Variants in NAA38 observed in about 807,000 individuals in gnomAD.
NAA38 encodes LSM domain containing 1.
NAA38 carries 15 observed loss-of-function variants against 12.6 expected under a neutral mutation model. That is an observed-to-expected ratio of 1.19 (90% CI 0.79 to 1.83). The LOEUF (loss-of-function observed/expected upper bound fraction) is 1.83, where lower values mean the gene tolerates loss of function less well. Among genes scored for constraint, NAA38 ranks in the 40% most tolerant of loss-of-function variants. NAA38 has a pLI of 0.00. For missense variants in NAA38, 183 were observed against 171.7 expected (o/e 1.07, Z -0.37); for synonymous variants, 88 against 69.9 (o/e 1.26, Z -1.29).
intron 2 of NAA38, among the ~76,000 whole-genome samples, chr17:7,868,478 AT>A (rs1286690621): frequency 6.6e-6 from 1 of 152,166 alleles, no homozygotes; most frequent in African/African-American, 2.4e-5. Context: ...CATGCACAGA[AT>A]ATTTAAATAC....
intron 1 of NAA38, chr17:7,885,049 ACCGCTGCCCCCG>A: frequency 2.0e-6 from 2 of 1,019,404 alleles, no homozygotes; most frequent in Non-Finnish European, 2.3e-6. Flanking sequence ...CGCCGCCGCC[ACCGCTGCCCCCG>A]CCGCCGCCGC....
At chr17:7,860,624 A>C (rs1031045334), upstream of NAA38, 6 of 152,202 alleles carry the variant, frequency 3.9e-5, no homozygotes, top group Non-Finnish European at 8.8e-5. Flanking sequence ...TAACATTTGT[A>C]GCCACTGCTC....
chr17:7,879,873 CAGA>C (rs1202693991), intron 2 of NAA38, among the ~76,000 whole-genome samples: 4 of 151,756 alleles, frequency 2.6e-5, no homozygotes, highest in Admixed American at 2.6e-4. Flanking sequence ...CCTGGAAACA[CAGA>C]AGGAGAGATG....
chr17:7,857,291 A>G (rs199876036), intron 1 of NAA38, 92 bp downstream of exon 1: 566 of 1,611,354 alleles, frequency 3.5e-4, no homozygotes, highest in South Asian at 5.5e-4. Flanking sequence ...CACTCACACA[A>G]AGCCCAGAGG....
rs34511657 is a variant in NAA38 at position 7,866,378 on chromosome 17, A to G, written c.3+113T>C. On this transcript the variant is annotated intron_variant, in intron 3 of 4. Transcript: ENST00000576861. ...CCGCCTCGGCCTCCCAGAGTGCTGG[A>G]ATTACAGGTGTGAGCCATTGCGCCC... is the stretch of plus-strand genomic sequence containing the variant. 6,289 of 786,306 alleles carry G rather than the reference A, an allele frequency of 8.0e-3. 283 individuals carry two copies. The African/African-American group carries it at 0.096, about 12-fold the overall frequency. The allele number at this position is 786,306 out of a possible 1,614,324, so 48.7% of individuals were successfully genotyped here.
intron 2 of NAA38, among the ~76,000 whole-genome samples, chr17:7,869,081 T>C (rs1967039001): frequency 6.6e-6 from 1 of 152,236 alleles, no homozygotes; most frequent in Non-Finnish European, 1.5e-5. Context: ...AGTGAACCTC[T>C]GAAGAGAGAA....
In NAA38 at chr17:7,875,876, T is replaced by C. The variant is rs191281748; in HGVS notation, c.-66+7359A>G. ...AGTTGCCTATTCTGGACATTTCATA[T>C]AAATGGCATCAAATAATATGTGGCC... On this transcript the variant is annotated intron_variant, in intron 2 of 4. Coordinates refer to the NAA38 transcript ENST00000576861. 3.2e-3 allele frequency among the ~76,000 whole-genome samples: 495 copies of C among 152,344 alleles called. 1 individual carries two copies. Among genetic ancestry groups the C allele is most frequent in the Non-Finnish European group, 5.4e-3 (364 of 68,036 alleles).
At chr17:7,857,718 A>G (rs928343503), upstream of NAA38, 243 of 1,296,038 alleles carry the variant, frequency 1.9e-4, no homozygotes, top group Non-Finnish European at 2.3e-4. Context: ...CACATCCTTT[A>G]GAAACTGGAA....
chr17:7,874,518 A>G (rs1268245986), intron 2 of NAA38, among the ~76,000 whole-genome samples: 3 of 152,190 alleles, frequency 2.0e-5, no homozygotes, highest in Admixed American at 6.5e-5. Flanking sequence ...TAAGGAGCAC[A>G]CAGCAAGACT....
chr17:7,872,238 G>A (rs1250647623), intron 2 of NAA38, among the ~76,000 whole-genome samples: 1 of 152,024 alleles, frequency 6.6e-6, no homozygotes, highest in Middle Eastern at 3.2e-3. Flanking sequence ...AAGCATCCAC[G>A]TTGATGCTTG....
chr17:7,860,933 G>C (rs947919804), upstream of NAA38: 16 of 152,174 alleles, frequency 1.1e-4, no homozygotes, highest in Non-Finnish European at 2.2e-4. Flanking sequence ...ACTTTGGCGA[G>C]GGAGAAAAAG....
Position 7,857,094 on chromosome 17 carries a change from T to G in NAA38, c.186A>C (p.Thr62=). The change falls in exon 2 of 3, where the codon ACA becomes ACC. Residue 62 remains threonine, a synonymous_variant. Transcript: ENST00000575771. ...CAGTGCAGAGGAAGCAGCCGACCAG[T>G]GTCCGTCCATCTGTCATGCGAATGC... ...TMRIRMTDGR[T]LVGCFLCTDR... 1 of 1,613,554 alleles carries G rather than the reference T, an allele frequency of 6.2e-7. No individual in the cohort carries two copies. The highest frequency in any genetic ancestry group is 8.5e-7 in the Non-Finnish European group (1 of 1,180,046).
At chr17:7,856,980 A>G in intron 2 of NAA38, 35 bp downstream of exon 2, 1 of 1,592,054 alleles carries the variant, frequency 6.3e-7, no homozygotes, top group South Asian at 1.1e-5. Context: ...GTTCCGCCAC[A>G]TTACCAGGCG....
chr17:7,884,535 A>G (rs1038493558), intron 1 of NAA38, among the ~76,000 whole-genome samples: 2 of 141,028 alleles, frequency 1.4e-5, no homozygotes, highest in Non-Finnish European at 3.1e-5. Flanking sequence ...GAAAGAGAGA[A>G]GGAAAAAAAG....
intron 2 of NAA38, among the ~76,000 whole-genome samples, chr17:7,871,423 T>G (rs1967083273): frequency 6.6e-6 from 1 of 152,266 alleles, no homozygotes; most frequent in Admixed American, 6.5e-5. Context: ...GTTCATCTTT[T>G]GTACATATAC....
At chr17:7,877,427 C>T (rs1043417766) in intron 2 of NAA38, among the ~76,000 whole-genome samples, 6 of 149,284 alleles carry the variant, frequency 4.0e-5, no homozygotes, top group South Asian at 2.1e-4. Flanking sequence ...TTAACCATGT[C>T]TCTACATACA....
upstream of NAA38, chr17:7,858,763 C>CT (rs777695141): frequency 6.3e-7 from 1 of 1,594,328 alleles, no homozygotes; most frequent in South Asian, 1.1e-5. Flanking sequence ...GGGCGGCTGT[C>CT]TGCCAAGACC....
intron 2 of NAA38, among the ~76,000 whole-genome samples, chr17:7,870,622 C>T (rs955503315): frequency 1.3e-5 from 2 of 152,116 alleles, no homozygotes; most frequent in Non-Finnish European, 2.9e-5. Flanking sequence ...TGGCTCACGC[C>T]TGTAATCCCA....
At chr17:7,881,236 G>A (rs1342818724) in intron 2 of NAA38, among the ~76,000 whole-genome samples, 2 of 150,230 alleles carry the variant, frequency 1.3e-5, no homozygotes, top group Non-Finnish European at 3.0e-5. Context: ...TTAAAATGTT[G>A]TACCATAAGT....
Sources: allele counts gnomAD v4.1 joint callset (sites outside exome capture counted in the v4.1 genomes callset), GRCh38; gene constraint gnomAD v4.1.1; transcripts MANE v1.5; gene names NCBI Gene and HGNC (gene_info 2026-07-23, HGNC 2026-07-21).